Variants in MAGI3 observed in about 807,000 individuals in gnomAD.
MAGI3 encodes membrane associated guanylate kinase, WW and PDZ domain containing 3.
A neutral mutation model predicts 121.8 loss-of-function variants in MAGI3; 43 were observed. The observed-to-expected ratio is 0.35, with a 90% CI of 0.28 to 0.46. MAGI3 has a LOEUF of 0.46. Among genes scored for constraint, MAGI3 ranks in the 20% least tolerant of loss-of-function variants. The pLI, the probability that MAGI3 is intolerant of heterozygous loss-of-function variation, is 1.00. For missense variants in MAGI3, 1,547 were observed against 1,797.3 expected, an observed-to-expected ratio of 0.86 and a Z score of 2.52; for synonymous variants, 553 against 639.3, an observed-to-expected ratio of 0.86 and a Z score of 2.04.
intron 1 of MAGI3, among the ~76,000 whole-genome samples, chr1:113,548,768 G>A (rs997425918): frequency 4.6e-5 from 7 of 152,214 alleles, no homozygotes; most frequent in African/African-American, 1.4e-4. Flanking sequence ...CTAAGTGGTG[G>A]GCAGCAGGAA....
intron 5 of MAGI3, among the ~76,000 whole-genome samples, chr1:113,593,921 A>G (rs1648841864): frequency 6.6e-6 from 1 of 152,218 alleles, no homozygotes; most frequent in African/African-American, 2.4e-5. Context: ...TTTTACTTGC[A>G]TGTGGCAGAA....
At chr1:113,609,903 T>G (rs1650015624) in intron 6 of MAGI3, among the ~76,000 whole-genome samples, 1 of 152,180 alleles carries the variant, frequency 6.6e-6, no homozygotes, top group South Asian at 2.1e-4. Flanking sequence ...AAATTTTCTC[T>G]TGGCCCTAAC....
In MAGI3 at chr1:113,422,708, A is replaced by G. The variant is rs2101386667; in HGVS notation, c.316+31359A>G. Among the ~76,000 whole-genome samples the G allele has an allele frequency of 6.6e-6, 1 of 152,274 alleles. No homozygotes were observed. Among genetic ancestry groups the G allele is most frequent in the East Asian group, 1.9e-4 (1 of 5,180 alleles). ...GATAAGGGAACGTGGTGGCGCCTGA[A>G]AGCTGAGAGATACCAGGAACAGCAG... On this transcript the variant is annotated intron_variant, in intron 1 of 20. Coordinates refer to ENST00000307546, the MANE Select transcript of MAGI3 (RefSeq NM_001142782.2). This position sits in a 1 kb window ranked among gnomAD's most constrained non-coding sequence, Gnocchi z 4.3.
chr1:113,396,579 T>C (rs764853375), intron 1 of MAGI3, among the ~76,000 whole-genome samples: 12 of 150,348 alleles, frequency 8.0e-5, no homozygotes, highest in African/African-American at 2.2e-4. Flanking sequence ...TAACAAAATA[T>C]CTTGCTAATA....
intron 2 of MAGI3, among the ~76,000 whole-genome samples, chr1:113,550,355 G>A (rs1659724356): frequency 2.0e-5 from 3 of 152,008 alleles, no homozygotes; most frequent in Admixed American, 2.0e-4. Context: ...GGCGGAGCTT[G>A]CAGTGAGCCG....
chr1:113,542,133 T>G (rs1016209253), intron 1 of MAGI3, among the ~76,000 whole-genome samples: 2 of 152,122 alleles, frequency 1.3e-5, no homozygotes, highest in Admixed American at 1.3e-4. Context: ...TCTTGGGGGA[T>G]ATGTCCCAAG....
intron 1 of MAGI3, 79 bp from the exon 2 acceptor site, chr1:113,549,436 G>C: frequency 4.2e-6 from 3 of 722,602 alleles, no homozygotes; most frequent in African/African-American, 1.8e-5. Context: ...AGAGTATTCA[G>C]TTACTAGCTT....
intron 1 of MAGI3, among the ~76,000 whole-genome samples, chr1:113,395,909 G>A (rs552379069): frequency 6.6e-6 from 1 of 152,082 alleles, no homozygotes; most frequent in South Asian, 2.1e-4. Context: ...ATTTTATTCA[G>A]TTTATTGCTA....
chr1:113,392,283 G>C (rs1317696428), intron 1 of MAGI3, among the ~76,000 whole-genome samples: 2 of 152,338 alleles, frequency 1.3e-5, no homozygotes, highest in East Asian at 3.9e-4. Flanking sequence ...TTGTGGGAGA[G>C]AGAATTGTGA....
At chr1:113,655,895 C>T (rs1336857104) in intron 15 of MAGI3, among the ~76,000 whole-genome samples, 1 of 152,138 alleles carries the variant, frequency 6.6e-6, no homozygotes, top group Non-Finnish European at 1.5e-5. Flanking sequence ...GTAACTTCTG[C>T]TGCCATTGTT....
At chr1:113,639,658 C>G (rs965709844) in intron 9 of MAGI3, among the ~76,000 whole-genome samples, 4 of 152,154 alleles carry the variant, frequency 2.6e-5, no homozygotes, top group African/African-American at 9.7e-5. Context: ...ACCTCTGCCT[C>G]CTGGGTTCAA....
intron 6 of MAGI3, among the ~76,000 whole-genome samples, chr1:113,606,347 T>G (rs563517293): frequency 1.3e-5 from 2 of 152,292 alleles, no homozygotes; most frequent in African/African-American, 4.8e-5. Flanking sequence ...TATGGTGAAA[T>G]CAGCCATTCT....
intron 16 of MAGI3, among the ~76,000 whole-genome samples, chr1:113,664,472 C>T (rs1035640375): frequency 6.6e-6 from 1 of 152,192 alleles, no homozygotes; most frequent in African/African-American, 2.4e-5. Context: ...GTGGCACATG[C>T]TTGTAGTCCC....
intron 1 of MAGI3, among the ~76,000 whole-genome samples, chr1:113,472,204 GTTTT>G (rs752606893): frequency 1.4e-4 from 19 of 137,812 alleles, no homozygotes; most frequent in Non-Finnish European, 2.1e-4. Context: ...GATAGATCTT[GTTTT>G]TTTTTTTTTT....
intron 1 of MAGI3, among the ~76,000 whole-genome samples, chr1:113,394,974 A>G (rs1047487290): frequency 2.0e-5 from 3 of 152,212 alleles, no homozygotes; most frequent in East Asian, 1.9e-4. Context: ...ATTCCTAGAA[A>G]TACACTTCCT....
intron 1 of MAGI3, among the ~76,000 whole-genome samples, chr1:113,508,668 G>A (rs928670875): frequency 1.3e-5 from 2 of 152,166 alleles, no homozygotes; most frequent in African/African-American, 4.8e-5. Context: ...TAAACTTCTA[G>A]TGCTATTCCT....
intron 6 of MAGI3, among the ~76,000 whole-genome samples, chr1:113,607,893 T>C (rs1649881844): frequency 6.6e-6 from 1 of 152,242 alleles, no homozygotes; most frequent in South Asian, 2.1e-4. Context: ...AGTATTCTCA[T>C]GTCATAAATC....
intron 2 of MAGI3, among the ~76,000 whole-genome samples, chr1:113,567,048 T>G (rs1660462297): frequency 6.7e-6 from 1 of 149,880 alleles, no homozygotes; most frequent in African/African-American, 2.4e-5. Flanking sequence ...AAACCCTTAC[T>G]TAGATTAAGA....
intron 5 of MAGI3, among the ~76,000 whole-genome samples, chr1:113,591,269 T>C (rs2101736259): frequency 6.6e-6 from 1 of 152,284 alleles, no homozygotes; most frequent in South Asian, 2.1e-4. Flanking sequence ...TAGAGAATAA[T>C]ATTATGCAAA....
Sources: allele counts gnomAD v4.1 joint callset (sites outside exome capture counted in the v4.1 genomes callset), GRCh38; gene constraint gnomAD v4.1.1; non-coding constraint Gnocchi (gnomAD v3.1); transcripts MANE v1.5; gene names NCBI Gene and HGNC (gene_info 2026-07-23, HGNC 2026-07-21).